SMG6: variants seen among roughly 807,000 people sequenced by gnomAD.
The protein encoded by SMG6 is telomerase-binding protein EST1A.
Under a neutral mutation model 142.2 loss-of-function variants are expected in SMG6, and 66 were observed. That is an observed-to-expected ratio of 0.46 (90% CI 0.38 to 0.57). SMG6 has a LOEUF of 0.57. Ranked by LOEUF, SMG6 falls within the 20% of genes least tolerant of loss-of-function variation. SMG6 has a pLI of 0.00. For synonymous variants in SMG6, 779 were observed against 702.4 expected, an observed-to-expected ratio of 1.11 and a Z score of -1.72; for missense variants, 1,793 against 1,832.0, an observed-to-expected ratio of 0.98 and a Z score of 0.39.
chr17:2,236,573 T>A lies in SMG6; in HGVS notation c.2788A>T (p.Ser930Cys). 2 of 1,613,858 alleles carry A rather than the reference T, an allele frequency of 1.2e-6. No homozygotes were observed. The highest frequency in any genetic ancestry group is 2.2e-5 in the South Asian group (2 of 91,012). Residue 930 changes from serine to cysteine, a missense_variant, in exon 10 of 19, where the codon AGC (serine) becomes TGC (cysteine). Ser to Cys is a moderately radical substitution (Grantham distance 112). This residue lies in a region of SMG6 where 1,597 missense variants were observed against 1,584.6 expected (regional missense o/e 1.01). Transcript: ENST00000263073. The stretch of plus-strand genomic sequence containing the variant: ...CGGGTACTTCCAATGGGAGAGGGGC[T>A]GTGCTGCAGTAACACCTGGAACTCC... ...LKEFQVLLQH[S>C]PSPIGSTRML...
At position 2,081,962 on chromosome 17, in the gene SMG6, G is replaced by C; in HGVS notation, c.3535-6C>G. On this transcript the variant is annotated splice_region_variant and splice_polypyrimidine_tract_variant and intron_variant, in intron 14 of 18. Transcript: ENST00000263073. ...TCAATCACCACATCCTCCTCCTTTG[G>C]GTGGTGGAGCCGACCAGGACAAAGA... 6.2e-7 allele frequency: 1 copy of C among 1,614,016 alleles called. No homozygotes were observed. Among genetic ancestry groups the C allele is most frequent in the African/African-American group, 1.3e-5 (1 of 75,022 alleles).
In SMG6 at chr17:2,152,216, A is replaced by G. The variant is rs368122518; in HGVS notation, c.3357+20442T>C. Reference sequence around the variant, plus strand: ...GAAAGAACTGAAAAAAGCTTCAGAAATCTGTCTGGACAATTCAGTTTGGCC... The same window carrying G: ...GAAAGAACTGAAAAAAGCTTCAGAAGTCTGTCTGGACAATTCAGTTTGGCC... On this transcript the variant is annotated intron_variant, in intron 13 of 18. Transcript: ENST00000263073. Among the ~76,000 whole-genome samples the G allele has an allele frequency of 2.5e-3, 381 of 152,280 alleles. 12 individuals carry two copies. The South Asian group carries it at 0.076, about 30-fold the overall frequency.
intron 8 of SMG6, among the ~76,000 whole-genome samples, chr17:2,269,043 A>C (rs566411331): frequency 1.2e-4 from 19 of 152,062 alleles, no homozygotes; most frequent in African/African-American, 4.3e-4. Context: ...TCTCTACTAA[A>C]AATACAAAAA....
Position 2,061,508 on chromosome 17 carries a change from C to T in SMG6, c.4244G>A (p.Trp1415Ter). Reference sequence around the variant, plus strand: ...GTGGCTCCCTCAGCCCACCTGGGCCCACGTGAGGAAGGCTGGGATGTCCCG... The same window carrying T: ...GTGGCTCCCTCAGCCCACCTGGGCCTACGTGAGGAAGGCTGGGATGTCCCG... ...PVRDIPAFLT[W>*]AQVG The change falls in exon 19 of 19, where the codon TGG (tryptophan) becomes TAG (stop). Residue 1415 changes from tryptophan (W) to a stop codon, truncating the protein, a stop_gained. Coordinates refer to ENST00000263073, the MANE Select transcript of SMG6 (RefSeq NM_017575.5). LOFTEE classifies it high-confidence loss of function. 1 of 1,575,132 alleles carries T rather than the reference C, an allele frequency of 6.3e-7. No individual in the cohort carries two copies. Among genetic ancestry groups the T allele is most frequent in the Non-Finnish European group, 8.6e-7 (1 of 1,161,076 alleles).
Position 2,303,438 on chromosome 17 carries a change from G to A in SMG6, c.88+195C>T, listed in dbSNP as rs553284149. 37 of 1,299,216 alleles carry A rather than the reference G, an allele frequency of 2.8e-5. No homozygotes were observed. The East Asian group carries it at 9.2e-4, about 32-fold the overall frequency. 80.5% of individuals were successfully genotyped at this position (1,299,216 alleles called of 1,614,324 possible). A position where few individuals can be genotyped will look rare whatever the true frequency, so the allele number is the denominator to read the frequency against. Reference sequence around the variant, plus strand: ...GGCCAGGCTCTCCCGGAGCTGGCCAGGACTGGCCGAGCCCGACCCCGCACT... The same window carrying A: ...GGCCAGGCTCTCCCGGAGCTGGCCAAGACTGGCCGAGCCCGACCCCGCACT... On this transcript the variant is annotated intron_variant, in intron 1 of 18. Transcript: ENST00000263073.
In SMG6 at chr17:2,299,548, C is replaced by T. The variant is rs2075223830; in HGVS notation, c.1205G>A (p.Arg402Gln). 8.7e-6 allele frequency: 14 copies of T among 1,614,126 alleles called. No individual in the cohort carries two copies. Among genetic ancestry groups the T allele is most frequent in the Non-Finnish European group, 9.3e-6 (11 of 1,180,022 alleles). The change falls in exon 2 of 19, where the codon CGG (arginine) becomes CAG (glutamine). Residue 402 changes from arginine (R) to glutamine (Q), a missense_variant. Arg to Gln is a conservative substitution (Grantham distance 43). This residue lies in a region of SMG6 where 1,597 missense variants were observed against 1,584.6 expected (regional missense o/e 1.01). Coordinates refer to ENST00000263073, the MANE Select transcript of SMG6 (RefSeq NM_017575.5). The surrounding 1 kb of genome is among the most constrained non-coding windows in gnomAD (Gnocchi z 4.3). ...QESKNPKQEL[R>Q]GRGRGILILP... ...AATCAGAATGCCACGACCACGACCC[C>T]GAAGTTCTTGTTTCGGGTTTTTGGA...
At chr17:2,188,014 C>T (rs11078855) in intron 11 of SMG6, among the ~76,000 whole-genome samples, 51,751 of 151,868 alleles carry the variant, frequency 0.34, 9,342 homozygotes, top group African/African-American at 0.46. Context: ...TGGTCCACAG[C>T]GGTTACAGAA....
intron 8 of SMG6, among the ~76,000 whole-genome samples, chr17:2,250,487 A>C (rs934071495): frequency 2.0e-5 from 3 of 151,870 alleles, no homozygotes; most frequent in South Asian, 2.1e-4. Context: ...TCCTAGGCTC[A>C]AGTGATCCTC....
intron 6 of SMG6, among the ~76,000 whole-genome samples, chr17:2,287,775 C>T (rs1355493694): frequency 6.6e-6 from 1 of 152,174 alleles, no homozygotes; most frequent in East Asian, 1.9e-4. Flanking sequence ...AGGACCTAAG[C>T]TAAGTGAAAT....
intron 9 of SMG6, among the ~76,000 whole-genome samples, chr17:2,242,689 TAAAA>T (rs57079220): frequency 0.015 from 866 of 55,888 alleles, 8 homozygotes; most frequent in Non-Finnish European, 0.021. Context: ...TCCATCTCTT[TAAAA>T]AAAAAAAAAA....
intron 12 of SMG6, among the ~76,000 whole-genome samples, chr17:2,182,911 G>A (rs1346659268): frequency 6.7e-6 from 1 of 150,134 alleles, no homozygotes; most frequent in Non-Finnish European, 1.5e-5. Flanking sequence ...GGTGGGGTGG[G>A]CAGGGGTGAA....
At chr17:2,080,073 T>TCAAAACAAAACAAAA (rs59094023) in intron 15 of SMG6, among the ~76,000 whole-genome samples, 2 of 142,970 alleles carry the variant, frequency 1.4e-5, no homozygotes, top group African/African-American at 2.7e-5. Context: ...AGACTCCATC[T>TCAAAACAAAACAAAA]CAAAACAAAA....
chr17:2,085,655 A>G lies in SMG6; in HGVS notation c.3534+70T>C. On this transcript the variant is annotated intron_variant, in intron 14 of 18. Coordinates refer to ENST00000263073, the MANE Select transcript of SMG6 (RefSeq NM_017575.5). The surrounding 1 kb of genome is among the most constrained non-coding windows in gnomAD (Gnocchi z 4.1). ...TGTGCTCATAAATAAGCAGGAGGAA[A>G]AGCTGAAGCCACGAGCAGAATGGGG... is the stretch of plus-strand genomic sequence containing the variant. 6.8e-7 allele frequency: 1 copy of G among 1,467,494 alleles called. No individual in the cohort carries two copies. Among genetic ancestry groups the G allele is most frequent in the Non-Finnish European group, 9.3e-7 (1 of 1,076,600 alleles). 90.9% of individuals were successfully genotyped at this position (1,467,494 alleles called of 1,614,324 possible). A position where few individuals can be genotyped will look rare whatever the true frequency, so the allele number is the denominator to read the frequency against.
intron 13 of SMG6, among the ~76,000 whole-genome samples, chr17:2,115,841 A>C (rs1368222811): frequency 6.6e-6 from 1 of 152,074 alleles, no homozygotes; most frequent in East Asian, 1.9e-4. Context: ...CTCCTGCTTC[A>C]GTAGCTAAGC....
At chr17:2,258,416 G>C (rs558852038) in intron 8 of SMG6, among the ~76,000 whole-genome samples, 2 of 151,748 alleles carry the variant, frequency 1.3e-5, no homozygotes, top group Admixed American at 1.3e-4. Context: ...AAATTAGCTG[G>C]GTGTTATGGC....
intron 14 of SMG6, among the ~76,000 whole-genome samples, chr17:2,083,426 C>G (rs939988294): frequency 3.9e-5 from 6 of 152,132 alleles, no homozygotes; most frequent in African/African-American, 1.4e-4. Flanking sequence ...TGAAGAAACA[C>G]CTTTCCCTAC....
At chr17:2,188,643 A>C (rs1022468303) in intron 10 of SMG6, 128 bp from the exon 11 acceptor site, 33 of 741,890 alleles carry the variant, frequency 4.4e-5, no homozygotes, top group Non-Finnish European at 6.9e-5. Flanking sequence ...CAGAGTGGTC[A>C]TAAGGCCAAG....
chr17:2,292,091 G>C (rs1365383854), intron 6 of SMG6, among the ~76,000 whole-genome samples: 1 of 152,190 alleles, frequency 6.6e-6, no homozygotes, highest in South Asian at 2.1e-4. Flanking sequence ...TTCTGCTAAG[G>C]AGGCACCTCA....
At chr17:2,072,068 C>T (rs1187162504) in intron 15 of SMG6, 4 of 152,202 alleles carry the variant, frequency 2.6e-5, no homozygotes, top group East Asian at 1.9e-4. Context: ...AGTCCCCACT[C>T]GCAGCCATGG....
Sources: gnomAD v4.1 joint callset for allele counts (sites outside exome capture counted in the v4.1 genomes callset) on GRCh38, gnomAD v4.1.1 for gene constraint, gnomAD v4.1.1 regional missense constraint, Gnocchi (gnomAD v3.1) non-coding constraint, MANE v1.5 for transcripts, NCBI Gene and HGNC (gene_info 2026-07-23, HGNC 2026-07-21) for gene names.